Variants in SYNE1 observed in about 807,000 individuals in gnomAD.
The protein encoded by SYNE1 is nesprin-1.
SYNE1 carries 616 observed loss-of-function variants against 1,111.0 expected under a neutral mutation model. The observed-to-expected ratio is 0.55, with a 90% CI of 0.52 to 0.59. The LOEUF (loss-of-function observed/expected upper bound fraction) is 0.59, where lower values mean the gene tolerates loss of function less well. SYNE1 is among the 20% of genes least tolerant of loss of function. The pLI, the probability that SYNE1 is intolerant of heterozygous loss-of-function variation, is 0.00. For synonymous variants in SYNE1, 3,855 were observed against 3,825.8 expected, an observed-to-expected ratio of 1.01 and a Z score of -0.28; for missense variants, 10,006 against 10,417.0, an observed-to-expected ratio of 0.96 and a Z score of 1.72.
At chr6:152,222,809 T>C (rs893260514) in intron 117 of SYNE1, among the ~76,000 whole-genome samples, 10 of 152,170 alleles carry the variant, frequency 6.6e-5, no homozygotes, top group Admixed American at 6.5e-4. Context: ...GCTTTAGTGA[T>C]CCACCGTACA....
Position 152,309,816 on chromosome 6 carries a change from G to A in SYNE1, c.17202+19C>T, listed in dbSNP as rs1453812451. ...ATTCATCAGCAATTGCTCTACTGGT[G>A]TGGGTACCCTGCACCTGCCTGCATG... is the stretch of plus-strand genomic sequence containing the variant. On this transcript the variant is annotated intron_variant, in intron 90 of 145. Transcript: ENST00000367255. 1.2e-6 allele frequency: 2 copies of A among 1,613,046 alleles called. No individual in the cohort carries two copies. The highest frequency in any genetic ancestry group is 1.7e-6 in the Non-Finnish European group (2 of 1,179,998).
Position 152,396,940 on chromosome 6 carries a change from T to G in SYNE1, c.7391A>C (p.Asp2464Ala), listed in dbSNP as rs1234131171. The G allele has an allele frequency of 1.2e-6, 2 of 1,614,192 alleles. No individual in the cohort carries two copies. Among genetic ancestry groups the G allele is most frequent in the Non-Finnish European group, 1.7e-6 (2 of 1,180,022 alleles). Residue 2464 changes from aspartate (D) to alanine (A), a missense_variant, in exon 50 of 146, where the codon GAT becomes GCT. Physicochemically the swap from Asp to Ala is moderately radical, Grantham distance 126 (BLOSUM62 -2). Transcript: ENST00000367255. ...AGTTTGTCCTTCTTGAGTCACTGCA[T>G]CAAGTTTGCTCTGCCCATCACTGAC... ...DSVSDGQSKL[D>A]AVTQEGQTLY...
chr6:152,590,093 C>T (rs1424873592), intron 3 of SYNE1, among the ~76,000 whole-genome samples: 1 of 150,742 alleles, frequency 6.6e-6, no homozygotes, highest in Admixed American at 6.6e-5. Context: ...GCCACCACAC[C>T]TGACTAATTA....
Position 152,132,110 on chromosome 6 carries a change from G to A in SYNE1, c.26094+12C>T. 1 of 1,613,196 alleles carries A rather than the reference G, an allele frequency of 6.2e-7. No individual in the cohort carries two copies. Among genetic ancestry groups the A allele is most frequent in the South Asian group, 1.1e-5 (1 of 91,044 alleles). ...CCCATGGGCCAACTGAAAACGACCA[G>A]TGGAAAGTTACCGTTTTCTGTCTGT... On this transcript the variant is annotated intron_variant, in intron 144 of 145. Coordinates refer to ENST00000367255, the MANE Select transcript of SYNE1 (RefSeq NM_182961.4).
Position 152,149,688 on chromosome 6 carries a change from T to C in SYNE1, c.24451-20A>G. 6.2e-7 allele frequency: 1 copy of C among 1,607,398 alleles called. No individual in the cohort carries two copies. The highest frequency in any genetic ancestry group is 1.1e-5 in the South Asian group (1 of 90,956). ...GAAGGCCTAGGGAGTACAAATCTCA[T>C]GTGATTTTGCTATTGTTGTTGCTTA... On this transcript the variant is annotated intron_variant, in intron 135 of 145. Coordinates refer to ENST00000367255, the MANE Select transcript of SYNE1 (RefSeq NM_182961.4).
intron 3 of SYNE1, among the ~76,000 whole-genome samples, chr6:152,541,403 G>A (rs2099268870): frequency 6.6e-6 from 1 of 152,050 alleles, no homozygotes; most frequent in African/African-American, 2.4e-5. Flanking sequence ...ATTGTAAATG[G>A]GGTTGCATCC....
chr6:152,147,918 C>G, intron 137 of SYNE1, 127 bp downstream of exon 137: 1 of 868,064 alleles, frequency 1.2e-6, no homozygotes, highest in Non-Finnish European at 1.8e-6. Flanking sequence ...TAAGTGTTCA[C>G]TTAGGTACAA....
chr6:152,213,992 G>C (rs564472997), intron 122 of SYNE1, among the ~76,000 whole-genome samples: 22 of 152,270 alleles, frequency 1.4e-4, no homozygotes, highest in African/African-American at 5.1e-4. Flanking sequence ...CCTGAGGTCA[G>C]GAGTTGTAGA....
chr6:152,236,935 A>G lies in SYNE1; in HGVS notation c.20081T>C (p.Leu6694Pro). 1 of 1,614,084 alleles carries G rather than the reference A, an allele frequency of 6.2e-7. No individual in the cohort carries two copies. The highest frequency in any genetic ancestry group is 8.5e-7 in the Non-Finnish European group (1 of 1,180,004). The part of the protein sequence containing the change: ...LEYILETWSH[L>P]DEDQQELSRQ... ...GCTGAGCTCCTGCTGGTCCTCATCC[A>G]GATGGGACCACGTCTAGAAACACAA... Residue 6694 changes from leucine to proline, a missense_variant, in exon 109 of 146, where the codon CTG (leucine) becomes CCG (proline). Coordinates refer to ENST00000367255, the MANE Select transcript of SYNE1 (RefSeq NM_182961.4).
intron 3 of SYNE1, among the ~76,000 whole-genome samples, chr6:152,570,141 T>C (rs1397417676): frequency 6.6e-6 from 1 of 152,240 alleles, no homozygotes; most frequent in African/African-American, 2.4e-5. Context: ...AATAACTAAA[T>C]AGATCATTAT....
chr6:152,132,135 T>C lies in SYNE1; in HGVS notation c.26081A>G (p.Asn8694Ser), dbSNP rs144370154. 68 of 1,613,966 alleles carry C rather than the reference T, an allele frequency of 4.2e-5. No homozygotes were observed. Among genetic ancestry groups the C allele is most frequent in the Non-Finnish European group, 5.7e-5 (67 of 1,179,986 alleles). ...GTGGAAAGTTACCGTTTTCTGTCTGTTTGGGGTGCTCCTTCCTGATGTGGG... is the reference window on the plus strand; with the variant it reads ...GTGGAAAGTTACCGTTTTCTGTCTGCTTGGGGTGCTCCTTCCTGATGTGGG... ...VSPTSGRSTP[N>S]RQKTPRGKCS... is the part of the protein sequence containing the mutation. The change falls in exon 144 of 146, where the codon AAC (asparagine) becomes AGC (serine). Residue 8694 changes from asparagine to serine, a missense_variant. Around this residue, in one of 7 missense-constraint regions of SYNE1, gnomAD observed 761 missense variants for 795.5 expected, o/e 0.96. Transcript: ENST00000367255.
chr6:152,267,756 C>T (rs1378629795), intron 100 of SYNE1, among the ~76,000 whole-genome samples: 1 of 152,170 alleles, frequency 6.6e-6, no homozygotes, highest in African/African-American at 2.4e-5. Flanking sequence ...TTAGAAACAT[C>T]ATGCATCTCA....
Position 152,587,163 on chromosome 6 carries a change from A to G in SYNE1, c.67+41102T>C, listed in dbSNP as rs1386592341. Among the ~76,000 whole-genome samples the G allele has an allele frequency of 3.3e-5, 3 of 89,596 alleles. No homozygotes were observed. In the East Asian group the frequency reaches 8.8e-4, roughly 26 times the overall value. 58.8% of individuals were successfully genotyped at this position (89,596 alleles called of 152,430 possible). A position where few individuals can be genotyped will look rare whatever the true frequency, so the allele number is the denominator to read the frequency against. On this transcript the variant is annotated intron_variant, in intron 3 of 145. Transcript: ENST00000367255. ...CAATTATCACTATTATTTGACAGAT[A>G]GAGATACTCCTATCCTAAAGATTTG... is the stretch of plus-strand genomic sequence containing the variant.
chr6:152,251,031 C>G (rs535081477), intron 104 of SYNE1, among the ~76,000 whole-genome samples: 1 of 152,264 alleles, frequency 6.6e-6, no homozygotes, highest in African/African-American at 2.4e-5. Flanking sequence ...CTCACTGGAA[C>G]CTCAGCCTCC....
intron 22 of SYNE1, 84 bp downstream of exon 22, chr6:152,458,673 C>T: frequency 6.9e-7 from 1 of 1,448,300 alleles, no homozygotes; most frequent in Non-Finnish European, 9.7e-7. Flanking sequence ...CTTGTCCTCA[C>T]TGAATTTCTA....
intron 130 of SYNE1, among the ~76,000 whole-genome samples, chr6:152,170,633 C>G (rs2064959687): frequency 6.6e-6 from 1 of 152,210 alleles, no homozygotes; most frequent in Admixed American, 6.5e-5. Context: ...CCTTTGACCT[C>G]CAACGTGGGT....
At chr6:152,630,330 C>T (rs895545774) in intron 2 of SYNE1, among the ~76,000 whole-genome samples, 1 of 152,008 alleles carries the variant, frequency 6.6e-6, no homozygotes, top group Non-Finnish European at 1.5e-5. Context: ...AAGTAGGACC[C>T]AATACTTGGT....
At chr6:152,171,338 C>T (rs1313793456) in intron 130 of SYNE1, among the ~76,000 whole-genome samples, 4 of 152,212 alleles carry the variant, frequency 2.6e-5, no homozygotes, top group Admixed American at 6.5e-5. Context: ...TGTGTGCGTA[C>T]GTTTTCCACC....
At chr6:152,234,528 C>T (rs558470997) in intron 111 of SYNE1, 140 bp downstream of exon 111, 16 of 945,620 alleles carry the variant, frequency 1.7e-5, no homozygotes, top group African/African-American at 1.3e-4. Context: ...CTCCTGACCT[C>T]GTGATCTGAC....
Sources: gnomAD v4.1 joint callset for allele counts (sites outside exome capture counted in the v4.1 genomes callset) on GRCh38, gnomAD v4.1.1 for gene constraint, gnomAD v4.1.1 regional missense constraint, MANE v1.5 for transcripts, NCBI Gene and HGNC (gene_info 2026-07-23, HGNC 2026-07-21) for gene names.